The following NDUFAF5 variants were observed in gnomAD, a reference collection of about 807,000 sequenced individuals.
NDUFAF5 encodes arginine-hydroxylase NDUFAF5, mitochondrial.
A neutral mutation model predicts 48.9 loss-of-function variants in NDUFAF5; 34 were observed. The observed-to-expected ratio is 0.70, with a 90% CI of 0.53 to 0.93. The LOEUF (loss-of-function observed/expected upper bound fraction) is 0.93. NDUFAF5 is among the 40% of genes least tolerant of loss of function. NDUFAF5 has a pLI of 0.00. For missense variants in NDUFAF5, 428 were observed against 427.5 expected, an observed-to-expected ratio of 1.00 and a Z score of -0.01; for synonymous variants, 153 against 150.6, an observed-to-expected ratio of 1.02 and a Z score of -0.12.
chr20:13,807,596 A>G (rs576296903), intron 7 of NDUFAF5, among the ~76,000 whole-genome samples: 30 of 151,978 alleles, frequency 2.0e-4, no homozygotes, highest in Non-Finnish European at 3.4e-4. Context: ...TATAGAATAC[A>G]TATTCTTTAA....
intron 7 of NDUFAF5, among the ~76,000 whole-genome samples, chr20:13,802,196 C>T (rs181270369): frequency 6.6e-6 from 1 of 152,078 alleles, no homozygotes; most frequent in East Asian, 1.9e-4. Context: ...AGAGAAATCT[C>T]GAAAGAAGAC....
At chr20:13,790,396 G>A (rs960717251) in intron 3 of NDUFAF5, among the ~76,000 whole-genome samples, 1 of 152,066 alleles carries the variant, frequency 6.6e-6, no homozygotes, top group Admixed American at 6.5e-5. Flanking sequence ...CATCTAATCC[G>A]TCAGCAGCTT....
Position 13,798,449 on chromosome 20 carries a change from C to A in NDUFAF5, c.480-12C>A. The A allele has an allele frequency of 6.2e-7, 1 of 1,602,498 alleles. No individual in the cohort carries two copies. The highest frequency in any genetic ancestry group is 2.2e-5 in the East Asian group (1 of 44,724). ...AGTTAAGCTAAAACAAATCTGTATT[C>A]TCATATTTTAGTTTGCATTGGGTGA... On this transcript the variant is annotated splice_polypyrimidine_tract_variant and intron_variant, in intron 5 of 10. Coordinates refer to ENST00000378106, the MANE Select transcript of NDUFAF5 (RefSeq NM_024120.5).
rs1986730729 is a variant in NDUFAF5 at position 13,818,307 on chromosome 20, T to C, written c.*1097T>C. The stretch of plus-strand genomic sequence containing the variant: ...TAAGTTATAGTTAAAAACCAAGATT[T>C]GTAGGAGAAAAAGAAATTATTGTTC... On this transcript the variant is annotated 3_prime_UTR_variant, in exon 11 of 11. Coordinates refer to ENST00000378106, the MANE Select transcript of NDUFAF5 (RefSeq NM_024120.5). The C allele has an allele frequency of 2.3e-6, 1 of 435,432 alleles. No individual in the cohort carries two copies. Among genetic ancestry groups the C allele is most frequent in the African/African-American group, 2.0e-5 (1 of 49,126 alleles). The allele number at this position is 435,432 out of a possible 1,614,324, so 27.0% of individuals were successfully genotyped here.
chr20:13,816,343 A>C, intron 8 of NDUFAF5, 120 bp from the exon 9 acceptor site: 1 of 765,394 alleles, frequency 1.3e-6, no homozygotes, highest in East Asian at 2.6e-5. Context: ...ATTTAGGTTT[A>C]CATGACCCTT....
At chr20:13,790,278 A>G (rs900306730) in intron 3 of NDUFAF5, among the ~76,000 whole-genome samples, 2 of 152,226 alleles carry the variant, frequency 1.3e-5, no homozygotes, top group Middle Eastern at 3.2e-3. Flanking sequence ...GGAAGTATCA[A>G]CAGAACTTGA....
chr20:13,796,864 A>C (rs183823689), intron 5 of NDUFAF5, among the ~76,000 whole-genome samples: 88 of 152,356 alleles, frequency 5.8e-4, no homozygotes, highest in African/African-American at 2.0e-3. Context: ...CTGTAATTCC[A>C]GCTGCTCGAG....
In NDUFAF5 at chr20:13,817,451, T is replaced by G. The variant is rs1228436474; in HGVS notation, c.*241T>G. On this transcript the variant is annotated 3_prime_UTR_variant, in exon 11 of 11. Transcript: ENST00000378106. ...TCAGCCTAAAAGCAAAGAAAATATT[T>G]CCCTAAAATATTTGCAAATAATGTT... 3 of 623,430 alleles carry G rather than the reference T, an allele frequency of 4.8e-6. No homozygotes were observed. The highest frequency in any genetic ancestry group is 8.9e-6 in the Non-Finnish European group (3 of 337,888). 38.6% of individuals were successfully genotyped at this position (623,430 alleles called of 1,614,324 possible). A position where few individuals can be genotyped will look rare whatever the true frequency, so the allele number is the denominator to read the frequency against.
In NDUFAF5 at chr20:13,818,433, G is replaced by GT; in HGVS notation, c.*1229dup. On this transcript the variant is annotated 3_prime_UTR_variant, in exon 11 of 11. Coordinates refer to ENST00000378106, the MANE Select transcript of NDUFAF5 (RefSeq NM_024120.5). The stretch of plus-strand genomic sequence containing the variant: ...CCTGTGAAGTAGAATTTGGCGTTTT[G>GT]TTTTTTGGGGTTTTTTTTTTTTTTA... 3.5e-6 allele frequency: 1 copy of GT among 288,858 alleles called. No homozygotes were observed. Among genetic ancestry groups the GT allele is most frequent in the East Asian group, 9.8e-5 (1 of 10,182 alleles). The allele number at this position is 288,858 out of a possible 1,614,324, so 17.9% of individuals were successfully genotyped here.
In NDUFAF5 at chr20:13,785,236, G is replaced by A. The variant is rs1008159595; in HGVS notation, c.168G>A (p.Lys56=). Residue 56 remains lysine (K), a synonymous_variant, in exon 1 of 11, where the codon AAG becomes AAA. Transcript: ENST00000378106. Reference sequence around the variant, plus strand: ...ACCGGGATTTGAAAAGGAAACAGAAGAACTGGGCAGCCCGGCAGCCCGAGC... The same window carrying A: ...ACCGGGATTTGAAAAGGAAACAGAAAAACTGGGCAGCCCGGCAGCCCGAGC... ...IFDRDLKRKQ[K]NWAARQPEPT... The A allele has an allele frequency of 1.9e-6, 3 of 1,613,516 alleles. No homozygotes were observed. The highest frequency in any genetic ancestry group is 2.5e-6 in the Non-Finnish European group (3 of 1,179,784).
At chr20:13,787,769 C>T (rs1981448471) in intron 2 of NDUFAF5, among the ~76,000 whole-genome samples, 1 of 152,100 alleles carries the variant, frequency 6.6e-6, no homozygotes, top group Admixed American at 6.5e-5. Flanking sequence ...CAGGGATTCT[C>T]CAGCTATGTA....
rs1986466215 is a variant in NDUFAF5, at chr20:13,816,454, T to C, written c.779-9T>C. The C allele has an allele frequency of 6.2e-7, 1 of 1,602,740 alleles. No individual in the cohort carries two copies. The highest frequency in any genetic ancestry group is 8.5e-7 in the Non-Finnish European group (1 of 1,169,776). The stretch of plus-strand genomic sequence containing the variant: ...GTATTATCTCAAACTACCTGTAGTG[T>C]ATTTGTAGGTATGGGTGAGAGTAAC... On this transcript the variant is annotated splice_polypyrimidine_tract_variant and intron_variant, in intron 8 of 10. Coordinates refer to ENST00000378106, the MANE Select transcript of NDUFAF5 (RefSeq NM_024120.5).
chr20:13,814,802 T>A (rs1986274968), intron 8 of NDUFAF5, among the ~76,000 whole-genome samples: 1 of 152,204 alleles, frequency 6.6e-6, no homozygotes, highest in Admixed American at 6.5e-5. Context: ...AGAGGTTGAA[T>A]GACTTTGCCC....
chr20:13,785,384 C>T, intron 1 of NDUFAF5, 94 bp downstream of exon 1: 2 of 1,109,394 alleles, frequency 1.8e-6, no homozygotes, highest in Non-Finnish European at 2.6e-6. Context: ...CTCACCCCAC[C>T]TAGCCGTCTG....
intron 5 of NDUFAF5, among the ~76,000 whole-genome samples, chr20:13,796,055 C>A (rs978697037): frequency 1.3e-5 from 2 of 152,084 alleles, no homozygotes; most frequent in African/African-American, 4.8e-5. Flanking sequence ...TATCTTCTTT[C>A]TCCTGTCTTA....
chr20:13,820,301 G>A lies in NDUFAF5; in HGVS notation c.*3091G>A, dbSNP rs751443409. 20 of 152,194 alleles carry A rather than the reference G, an allele frequency of 1.3e-4. No homozygotes were observed. The highest frequency in any genetic ancestry group is 2.4e-4 in the Non-Finnish European group (16 of 68,036). The allele number at this position is 152,194 out of a possible 1,614,324, so 9.4% of individuals were successfully genotyped here. ...GTTACAGAAGTGTGTGAGTCATGAAGTACCTGTGAGGGAAGTTTATATATT... is the reference window on the plus strand; with the variant it reads ...GTTACAGAAGTGTGTGAGTCATGAAATACCTGTGAGGGAAGTTTATATATT... On this transcript the variant is annotated 3_prime_UTR_variant, in exon 11 of 11. Coordinates refer to ENST00000378106, the MANE Select transcript of NDUFAF5 (RefSeq NM_024120.5).
intron 7 of NDUFAF5, among the ~76,000 whole-genome samples, chr20:13,807,109 T>C (rs1035471866): frequency 6.6e-6 from 1 of 150,844 alleles, no homozygotes; most frequent in African/African-American, 2.4e-5. Flanking sequence ...TGCCGTGGCG[T>C]GATCTCGGCT....
At position 13,819,686 on chromosome 20, in the gene NDUFAF5, C is replaced by G. The variant is rs997908300; in HGVS notation, c.*2476C>G. Reference sequence around the variant, plus strand: ...CTGGCCAATAACCATTTCTTGATAACCCCACAGATAATATCATAAACTCAA... The same window carrying G: ...CTGGCCAATAACCATTTCTTGATAAGCCCACAGATAATATCATAAACTCAA... On this transcript the variant is annotated 3_prime_UTR_variant, in exon 11 of 11. Transcript: ENST00000378106. 6.6e-6 allele frequency: 1 copy of G among 152,180 alleles called. No individual in the cohort carries two copies. The highest frequency in any genetic ancestry group is 2.4e-5 in the African/African-American group (1 of 41,416). The allele number at this position is 152,180 out of a possible 1,614,324, so 9.4% of individuals were successfully genotyped here.
chr20:13,804,464 A>G (rs1487943497), intron 7 of NDUFAF5, among the ~76,000 whole-genome samples: 1 of 152,080 alleles, frequency 6.6e-6, no homozygotes, highest in African/African-American at 2.4e-5. Context: ...ATAGACAGTC[A>G]TATGTATTCA....
Sources: gnomAD v4.1 joint callset for allele counts (sites outside exome capture counted in the v4.1 genomes callset) on GRCh38, gnomAD v4.1.1 for gene constraint, MANE v1.5 for transcripts, NCBI Gene and HGNC (gene_info 2026-07-23, HGNC 2026-07-21) for gene names.